Variants in RPS6KA1 observed in about 807,000 individuals in gnomAD.
RPS6KA1 encodes the protein ribosomal protein S6 kinase A1.
RPS6KA1 carries 48 observed loss-of-function variants against 91.3 expected under a neutral mutation model. The ratio of observed to expected loss-of-function variants is 0.53; its 90% CI spans 0.42 to 0.67. The LOEUF (loss-of-function observed/expected upper bound fraction) is 0.67, where lower values mean the gene tolerates loss of function less well. Ranked by LOEUF, RPS6KA1 falls within the 30% of genes least tolerant of loss-of-function variation. The probability of loss-of-function intolerance (pLI) is 0.00; values close to 1 mark genes in which losing one functional copy is unlikely to be tolerated. For synonymous variants in RPS6KA1, 359 were observed against 384.7 expected, an observed-to-expected ratio of 0.93 and a Z score of 0.78; for missense variants, 719 against 960.5, an observed-to-expected ratio of 0.75 and a Z score of 3.32.
chr1:26,543,957 G>A, intron 2 of RPS6KA1: 1 of 409,064 alleles, frequency 2.4e-6, no homozygotes, highest in South Asian at 1.7e-5. Context: ...CTTGGCATAG[G>A]AGGAAAATCC....
intron 14 of RPS6KA1, among the ~76,000 whole-genome samples, chr1:26,560,365 G>A (rs537075226): frequency 2.6e-5 from 4 of 152,382 alleles, no homozygotes; most frequent in African/African-American, 7.2e-5. Context: ...GCCGTACTTA[G>A]TGGCACAGCT....
Position 26,574,062 on chromosome 1 carries a change from C to T in RPS6KA1, c.2086-17C>T, listed in dbSNP as rs760781905. The stretch of plus-strand genomic sequence containing the variant: ...ATCTCCCACCATTGTGACCTGACCT[C>T]CCCACTTCTCTTTCAGGGAGCCATG... On this transcript the variant is annotated splice_polypyrimidine_tract_variant and intron_variant, in intron 21 of 21. Coordinates refer to ENST00000374168, the MANE Select transcript of RPS6KA1 (RefSeq NM_002953.4). The surrounding 1 kb of genome is among the most constrained non-coding windows in gnomAD (Gnocchi z 4.3). 1.2e-5 allele frequency: 19 copies of T among 1,613,130 alleles called. No individual in the cohort carries two copies. The highest frequency in any genetic ancestry group is 8.5e-7 in the Non-Finnish European group (1 of 1,179,392).
At position 26,529,952 on chromosome 1, in the gene RPS6KA1, C is replaced by G. The variant is rs767179473; in HGVS notation, c.32C>G (p.Pro11Arg). The stretch of plus-strand genomic sequence containing the variant: ...CTCGCCCAGCTCAAGGAGCCCTGGC[C>G]GCTCATGGAGCTAGTGCCTCTGGAC... MPLAQLKEPW[P>R]LMELVPLDPE... Residue 11 changes from proline to arginine, a missense_variant, in exon 1 of 22, where the codon CCG becomes CGG. By Grantham distance (103) the Pro-to-Arg change is moderately radical. This residue lies in a region of RPS6KA1 where 57 missense variants were observed against 55.8 expected (regional missense o/e 1.02). Coordinates refer to ENST00000374168, the MANE Select transcript of RPS6KA1 (RefSeq NM_002953.4). This position sits in a 1 kb window ranked among gnomAD's most constrained non-coding sequence, Gnocchi z 4.2. The G allele has an allele frequency of 2.8e-6, 4 of 1,433,790 alleles. No individual in the cohort carries two copies. The South Asian group carries it at 5.3e-5, about 19-fold the overall frequency. 88.8% of individuals were successfully genotyped at this position (1,433,790 alleles called of 1,614,324 possible).
rs2124629195 is a variant in RPS6KA1, at chr1:26,546,974, C to G, written c.216C>G (p.Ser72=). The G allele has an allele frequency of 6.2e-7, 1 of 1,613,820 alleles. No individual in the cohort carries two copies. Among genetic ancestry groups the G allele is most frequent in the Non-Finnish European group, 8.5e-7 (1 of 1,179,746 alleles). ...TCCTCAAGGTTCTGGGCCAGGGATC[C>G]TTTGGCAAAGTGAGTCATGAGCCCA... ...FELLKVLGQG[S]FGKVFLVRKV... is the part of the protein sequence containing the mutation. The change falls in exon 3 of 22, where the codon TCC becomes TCG. Residue 72 remains serine (S), a synonymous_variant. Transcript: ENST00000374168.
Position 26,541,712 on chromosome 1 carries a change from C to T in RPS6KA1, c.108+4743C>T, listed in dbSNP as rs897793143. Among the ~76,000 whole-genome samples, 9 of 152,366 alleles carry T rather than the reference C, an allele frequency of 5.9e-5. No individual in the cohort carries two copies. The East Asian group carries it at 7.7e-4, about 13-fold the overall frequency. On this transcript the variant is annotated intron_variant, in intron 2 of 21. Transcript: ENST00000374168. ...ACCCCTCCTCACCTGCCTGGAGGCA[C>T]GCTGGGAGATGTGTCTGAGGACATC...
At chr1:26,533,119 C>T (rs945340498) in intron 1 of RPS6KA1, among the ~76,000 whole-genome samples, 32 of 152,188 alleles carry the variant, frequency 2.1e-4, no homozygotes, top group African/African-American at 7.2e-4. Flanking sequence ...CTTGCTCTGT[C>T]ACCAGGCTGG....
intron 2 of RPS6KA1, among the ~76,000 whole-genome samples, chr1:26,537,505 C>T (rs1195322352): frequency 1.3e-5 from 2 of 152,198 alleles, no homozygotes; most frequent in African/African-American, 2.4e-5. Context: ...CTCTGCTTCC[C>T]CTGGGCCCCT....
intron 2 of RPS6KA1, among the ~76,000 whole-genome samples, chr1:26,544,657 G>A (rs1375141100): frequency 6.6e-6 from 1 of 151,870 alleles, no homozygotes; most frequent in East Asian, 1.9e-4. Flanking sequence ...TGTATTTTTA[G>A]TAGAGACGGG....
Position 26,558,887 on chromosome 1 carries a change from G to A in RPS6KA1, c.1165G>A (p.Asp389Asn), listed in dbSNP as rs1343956881. 2 of 1,613,844 alleles carry A rather than the reference G, an allele frequency of 1.2e-6. No individual in the cohort carries two copies. ...CTTCGTGGCCACCGGCCTGATGGAA[G>A]ACGACGGCAAGCCTCGTGCCCCGCA... ...FSFVATGLME[D>N]DGKPRAPQAP... is the part of the protein sequence containing the mutation. Residue 389 changes from aspartate to asparagine, a missense_variant, in exon 14 of 22, where the codon GAC (aspartate) becomes AAC (asparagine). By Grantham distance (23) the Asp-to-Asn change is conservative. Transcript: ENST00000374168. The surrounding 1 kb of genome is among the most constrained non-coding windows in gnomAD (Gnocchi z 4.0).
chr1:26,541,684 T>C (rs1339284489), intron 2 of RPS6KA1, among the ~76,000 whole-genome samples: 1 of 152,232 alleles, frequency 6.6e-6, no homozygotes, highest in Non-Finnish European at 1.5e-5. Flanking sequence ...CAGGGAGCTG[T>C]GGACCCCTCC....
chr1:26,542,453 G>A lies in RPS6KA1; in HGVS notation c.109-4414G>A, dbSNP rs182341306. Among the ~76,000 whole-genome samples the A allele has an allele frequency of 5.5e-4, 83 of 152,122 alleles. No homozygotes were observed. The East Asian group carries it at 0.015, about 27-fold the overall frequency. On this transcript the variant is annotated intron_variant, in intron 2 of 21. Coordinates refer to ENST00000374168, the MANE Select transcript of RPS6KA1 (RefSeq NM_002953.4). ...ACAGGGTTTCCGATCATCGGCCTGA[G>A]TGTGTGTGTGTGCATGTCAGTGCCT... is the stretch of plus-strand genomic sequence containing the variant.
chr1:26,532,137 A>G (rs968657922), intron 1 of RPS6KA1, among the ~76,000 whole-genome samples: 1 of 152,090 alleles, frequency 6.6e-6, no homozygotes, highest in African/African-American at 2.4e-5. Context: ...GCTGGGAGGC[A>G]GGGCCTGGCC....
In RPS6KA1 at chr1:26,549,189, A is replaced by G. The variant is rs2076023668; in HGVS notation, c.307+1919A>G. Among the ~76,000 whole-genome samples, 6 of 151,410 alleles carry G rather than the reference A, an allele frequency of 4.0e-5. No homozygotes were observed. In the South Asian group the frequency reaches 1.3e-3, roughly 32 times the overall value. On this transcript the variant is annotated intron_variant, in intron 4 of 21. Coordinates refer to ENST00000374168, the MANE Select transcript of RPS6KA1 (RefSeq NM_002953.4). The stretch of plus-strand genomic sequence containing the variant: ...AACTGCCAATCCAGTACATGGACCA[A>G]AAAAGCCTTTAGTTTTGCATTGTGT...
At chr1:26,534,000 A>G (rs1380744260) in intron 1 of RPS6KA1, among the ~76,000 whole-genome samples, 1 of 152,196 alleles carries the variant, frequency 6.6e-6, no homozygotes, top group Non-Finnish European at 1.5e-5. Context: ...CACCCAAGCC[A>G]GAGATCCAGG....
chr1:26,553,546 T>A (rs751534519), intron 7 of RPS6KA1, 49 bp downstream of exon 7: 3 of 1,250,470 alleles, frequency 2.4e-6, no homozygotes, highest in African/African-American at 1.5e-5. Flanking sequence ...GGAGGCCTCT[T>A]CTAGGACAGG....
intron 7 of RPS6KA1, chr1:26,553,719 C>CT (rs1306492727): frequency 1.2e-5 from 4 of 320,984 alleles, no homozygotes; most frequent in Admixed American, 4.7e-5. Context: ...TGTTGCCCGT[C>CT]TTTTTTTGCT....
intron 2 of RPS6KA1, chr1:26,543,348 C>T (rs992972463): frequency 9.5e-6 from 7 of 733,892 alleles, no homozygotes; most frequent in Admixed American, 8.6e-5. Flanking sequence ...AGGGAGTGCT[C>T]TCAGTCAGAG....
At chr1:26,553,335 C>T (rs1475980205) in intron 6 of RPS6KA1, 56 bp from the exon 7 acceptor site, 10 of 1,266,252 alleles carry the variant, frequency 7.9e-6, no homozygotes, top group Non-Finnish European at 1.2e-5. Flanking sequence ...CTGCCCAGTG[C>T]CCCAGCTCTT....
intron 2 of RPS6KA1, chr1:26,543,234 G>C (rs1481269815): frequency 1.3e-6 from 2 of 1,514,438 alleles, no homozygotes. Context: ...GAGCAGAAGA[G>C]TCGCCTGCCT....
Sources: allele counts gnomAD v4.1 joint callset (sites outside exome capture counted in the v4.1 genomes callset), GRCh38; gene constraint gnomAD v4.1.1; regional missense constraint gnomAD v4.1.1; non-coding constraint Gnocchi (gnomAD v3.1); transcripts MANE v1.5; gene names NCBI Gene and HGNC (gene_info 2026-07-23, HGNC 2026-07-21).